KCNU1: variants seen among roughly 807,000 people sequenced by gnomAD.
KCNU1 encodes the protein potassium calcium-activated channel subfamily U member 1, also known as potassium channel subfamily U member 1.
In KCNU1, 93 loss-of-function variants were observed where a neutral mutation model predicts 126.8. The observed-to-expected ratio is 0.73, with a 90% CI of 0.62 to 0.87. The LOEUF (loss-of-function observed/expected upper bound fraction) is 0.87, where lower values mean the gene tolerates loss of function less well. Ranked by LOEUF, KCNU1 falls within the 40% of genes least tolerant of loss-of-function variation. The pLI is 0.00. For synonymous variants in KCNU1, 523 were observed against 494.2 expected (o/e 1.06, Z -0.77); for missense variants, 1,330 against 1,367.1 (o/e 0.97, Z 0.43).
At chr8:36,837,334 AAAT>A (rs1361981948) in intron 14 of KCNU1, among the ~76,000 whole-genome samples, 1 of 152,236 alleles carries the variant, frequency 6.6e-6, no homozygotes, top group Non-Finnish European at 1.5e-5. Flanking sequence ...ATTAAATCCA[AAAT>A]AATAATTGGT....
intron 23 of KCNU1, among the ~76,000 whole-genome samples, chr8:36,919,385 G>A (rs149918673): frequency 9.4e-5 from 13 of 138,820 alleles, no homozygotes; most frequent in South Asian, 4.7e-4. Flanking sequence ...ATTTCCCCCC[G>A]TCACCTTAAT....
At chr8:36,788,412 A>G (rs1802787900) in intron 2 of KCNU1, among the ~76,000 whole-genome samples, 2 of 152,186 alleles carry the variant, frequency 1.3e-5, no homozygotes, top group Non-Finnish European at 2.9e-5. Context: ...GATTGCCCTG[A>G]TCCTCCTTTC....
intron 22 of KCNU1, among the ~76,000 whole-genome samples, chr8:36,913,450 G>T (rs1443208526): frequency 6.6e-6 from 1 of 152,138 alleles, no homozygotes; most frequent in African/African-American, 2.4e-5. Context: ...GAAAGAAAAG[G>T]TTAGAGAAGA....
At chr8:36,820,116 T>C (rs10089370) in intron 10 of KCNU1, among the ~76,000 whole-genome samples, 45,631 of 152,022 alleles carry the variant, frequency 0.3, 7,768 homozygotes, top group African/African-American at 0.43. Context: ...TTCCAGCTCC[T>C]TGTGAAGCTC....
rs1803456981 is a variant in KCNU1 at position 36,805,302 on chromosome 8, A to G, written c.468+17A>G. 6.9e-7 allele frequency: 1 copy of G among 1,459,164 alleles called. No individual in the cohort carries two copies. The highest frequency in any genetic ancestry group is 1.4e-5 in the African/African-American group (1 of 71,948). 90.4% of individuals were successfully genotyped at this position (1,459,164 alleles called of 1,614,324 possible). Reference sequence around the variant, plus strand: ...GGATTGAGGGTAAGTACCTATTGAAAGTGGGAGTGAATATCCAAACACCAC... The same window carrying G: ...GGATTGAGGGTAAGTACCTATTGAAGGTGGGAGTGAATATCCAAACACCAC... On this transcript the variant is annotated intron_variant, in intron 4 of 26. Coordinates refer to ENST00000399881, the MANE Select transcript of KCNU1 (RefSeq NM_001031836.3).
At position 36,843,371 on chromosome 8, in the gene KCNU1, A is replaced by G. The variant is rs562514797; in HGVS notation, c.1704-2209A>G. ...AAGTTCTGATTTGGCAAATGTATTG[A>G]TAAGAACATTCCCTTCTATGATTGA... On this transcript the variant is annotated intron_variant, in intron 16 of 26. Transcript: ENST00000399881. 3.3e-5 allele frequency among the ~76,000 whole-genome samples: 5 copies of G among 152,338 alleles called. No individual in the cohort carries two copies. In the East Asian group the frequency reaches 9.6e-4, roughly 29 times the overall value.
Position 36,828,093 on chromosome 8 carries a change from A to G in KCNU1, c.1107-5461A>G, listed in dbSNP as rs911605009. 2.0e-5 allele frequency among the ~76,000 whole-genome samples: 3 copies of G among 152,240 alleles called. No homozygotes were observed. The East Asian group carries it at 5.8e-4, about 29-fold the overall frequency. Reference sequence around the variant, plus strand: ...AAGATTCAATATTTTCTATTATATTAAATCACTTCTTGTTTTTTGTTTAGA... The same window carrying G: ...AAGATTCAATATTTTCTATTATATTGAATCACTTCTTGTTTTTTGTTTAGA... On this transcript the variant is annotated intron_variant, in intron 10 of 26. Transcript: ENST00000399881.
intron 10 of KCNU1, 79 bp downstream of exon 10, chr8:36,817,839 C>A: frequency 1.4e-6 from 1 of 694,746 alleles, no homozygotes; most frequent in Non-Finnish European, 2.6e-6. Context: ...AAGAAAATTA[C>A]CTTCACAATA....
rs181664376 is a variant in KCNU1, at chr8:36,926,501, A to T, written c.2736+3872A>T. Among the ~76,000 whole-genome samples, 54 of 152,130 alleles carry T rather than the reference A, an allele frequency of 3.5e-4. 3 individuals are homozygous for T. In the East Asian group the frequency reaches 5.4e-3, roughly 15 times the overall value. Reference sequence around the variant, plus strand: ...AGGCGCCTGCATAAGATTCAATTGCACAAGAGACGTCTGTTGTTAAGAGGA... The same window carrying T: ...AGGCGCCTGCATAAGATTCAATTGCTCAAGAGACGTCTGTTGTTAAGAGGA... On this transcript the variant is annotated intron_variant, in intron 24 of 26. Transcript: ENST00000399881.
intron 10 of KCNU1, among the ~76,000 whole-genome samples, chr8:36,821,072 G>GA (rs764537111): frequency 6.6e-6 from 1 of 152,232 alleles, no homozygotes; most frequent in East Asian, 1.9e-4. Context: ...AGAAGGGAAA[G>GA]AAAGAGTTGA....
intron 14 of KCNU1, among the ~76,000 whole-genome samples, chr8:36,840,022 G>A (rs894413210): frequency 6.6e-6 from 1 of 152,204 alleles, no homozygotes; most frequent in Non-Finnish European, 1.5e-5. Context: ...CTGGACAGAA[G>A]CTATGAATAT....
intron 18 of KCNU1, among the ~76,000 whole-genome samples, chr8:36,862,727 TC>T (rs1217014604): frequency 6.6e-6 from 1 of 152,132 alleles, no homozygotes; most frequent in Non-Finnish European, 1.5e-5. Context: ...CACTTATCCT[TC>T]CCCCAACCCT....
At chr8:36,929,829 G>T (rs1041458732) in intron 24 of KCNU1, among the ~76,000 whole-genome samples, 3 of 152,232 alleles carry the variant, frequency 2.0e-5, no homozygotes, top group African/African-American at 7.2e-5. Flanking sequence ...ATACTAAAAG[G>T]TTGAGGAGGT....
intron 7 of KCNU1, among the ~76,000 whole-genome samples, chr8:36,810,678 G>A (rs916448402): frequency 6.6e-6 from 1 of 152,142 alleles, no homozygotes; most frequent in African/African-American, 2.4e-5. Flanking sequence ...ATCATTCAAA[G>A]ACGAGTATTA....
intron 24 of KCNU1, among the ~76,000 whole-genome samples, chr8:36,924,281 A>G (rs1446200221): frequency 6.6e-6 from 1 of 152,232 alleles, no homozygotes; most frequent in African/African-American, 2.4e-5. Flanking sequence ...TTAAATGCAG[A>G]AGAATCTGAG....
intron 19 of KCNU1, among the ~76,000 whole-genome samples, chr8:36,879,211 G>C (rs57821181): frequency 9.8e-6 from 1 of 101,752 alleles, no homozygotes. Context: ...GTGTGTGTGT[G>C]TATATATATA....
Position 36,859,107 on chromosome 8 carries a change from T to C in KCNU1, c.1892-5297T>C, listed in dbSNP as rs185334542. Reference sequence around the variant, plus strand: ...GTACCATGAAATGCTCACAGGTCAATGGCTTGGTGTGTCAATTTGAATCTG... The same window carrying C: ...GTACCATGAAATGCTCACAGGTCAACGGCTTGGTGTGTCAATTTGAATCTG... On this transcript the variant is annotated intron_variant, in intron 18 of 26. Transcript: ENST00000399881. Among the ~76,000 whole-genome samples the C allele has an allele frequency of 7.9e-5, 12 of 152,262 alleles. 1 individual carries two copies. The highest frequency in any genetic ancestry group is 2.9e-4 in the African/African-American group (12 of 41,558).
At chr8:36,858,563 C>A (rs764127158) in intron 18 of KCNU1, among the ~76,000 whole-genome samples, 4 of 152,090 alleles carry the variant, frequency 2.6e-5, no homozygotes, top group East Asian at 1.9e-4. Flanking sequence ...GTGTACAAAC[C>A]AAACTTTCTG....
rs188636311 is a variant in KCNU1, at chr8:36,876,550, T to A, written c.2009+12029T>A. On this transcript the variant is annotated intron_variant, in intron 19 of 26. Coordinates refer to ENST00000399881, the MANE Select transcript of KCNU1 (RefSeq NM_001031836.3). ...TTCCCATCTAGAACCATGTTCTTTC[T>A]TGGAGGTAGGGCAGGGTAGGCATTC... Among the ~76,000 whole-genome samples, 74 of 152,292 alleles carry A rather than the reference T, an allele frequency of 4.9e-4. No homozygotes were observed. In the East Asian group the frequency reaches 0.01, roughly 22 times the overall value.
Sources: allele counts gnomAD v4.1 joint callset (sites outside exome capture counted in the v4.1 genomes callset), GRCh38; gene constraint gnomAD v4.1.1; transcripts MANE v1.5; gene names NCBI Gene and HGNC (gene_info 2026-07-23, HGNC 2026-07-21).